Variants in KIRREL3 observed in about 807,000 individuals in gnomAD.
KIRREL3 encodes kin of IRRE-like protein 3.
Under a neutral mutation model 89.7 loss-of-function variants are expected in KIRREL3, and 36 were observed. The observed-to-expected ratio is 0.40, with a 90% CI of 0.31 to 0.53. KIRREL3 has a LOEUF of 0.53. KIRREL3 is among the 20% of genes least tolerant of loss of function. The pLI is 0.49. For synonymous variants in KIRREL3, 445 were observed against 441.4 expected (o/e 1.01, Z -0.10); for missense variants, 864 against 1,056.6 (o/e 0.82, Z 2.53).
Position 126,905,402 on chromosome 11 carries a change from C to T in KIRREL3, c.55+95053G>A, listed in dbSNP as rs777027853. Among the ~76,000 whole-genome samples the T allele has an allele frequency of 4.6e-5, 7 of 152,206 alleles. No homozygotes were observed. Among genetic ancestry groups the T allele is most frequent in the Non-Finnish European group, 1.0e-4 (7 of 68,002 alleles). On this transcript the variant is annotated intron_variant, in intron 1 of 16. Transcript: ENST00000525144. This position sits in a 1 kb window ranked among gnomAD's most constrained non-coding sequence, Gnocchi z 5.0. ...CAACGCTATCCTGGGGTAAAGAGCC[C>T]TAAATAATTGCAATGCATCAACTTG... is the stretch of plus-strand genomic sequence containing the variant.
chr11:126,843,493 G>A lies in KIRREL3; in HGVS notation c.55+156962C>T, dbSNP rs570299018. 9.7e-4 allele frequency among the ~76,000 whole-genome samples: 148 copies of A among 152,178 alleles called. 2 individuals carry two copies. The highest frequency in any genetic ancestry group is 3.1e-3 in the African/African-American group (129 of 41,518). Reference sequence around the variant, plus strand: ...TTTCAATTGTGATCTGCCCAGTCTCGTCCCACAGAGACTTCCAGCCTAGTC... The same window carrying A: ...TTTCAATTGTGATCTGCCCAGTCTCATCCCACAGAGACTTCCAGCCTAGTC... On this transcript the variant is annotated intron_variant, in intron 1 of 16. Coordinates refer to ENST00000525144, the MANE Select transcript of KIRREL3 (RefSeq NM_032531.4). The surrounding 1 kb of genome is among the most constrained non-coding windows in gnomAD (Gnocchi z 4.6).
chr11:126,995,365 T>C lies in KIRREL3; in HGVS notation c.55+5090A>G, dbSNP rs762611511. On this transcript the variant is annotated intron_variant, in intron 1 of 16. Transcript: ENST00000525144. This position sits in a 1 kb window ranked among gnomAD's most constrained non-coding sequence, Gnocchi z 6.5. ...TCATGATCTTACTGACCTTCTCCAC[T>C]GATGAATTAGAACACCCCTCTTCCC... The C allele has an allele frequency of 2.2e-5, 10 of 456,142 alleles. No individual in the cohort carries two copies. The highest frequency in any genetic ancestry group is 1.4e-4 in the East Asian group (2 of 14,376). The allele number at this position is 456,142 out of a possible 1,614,324, so 28.3% of individuals were successfully genotyped here. A position where few individuals can be genotyped will look rare whatever the true frequency, so the allele number is the denominator to read the frequency against.
intron 1 of KIRREL3, among the ~76,000 whole-genome samples, chr11:126,670,938 G>C (rs1203941960): frequency 1.3e-5 from 2 of 152,084 alleles, no homozygotes; most frequent in African/African-American, 4.8e-5. Context: ...ATAATATAAA[G>C]CCACAGTAAT....
rs975113860 is a variant in KIRREL3 at position 126,897,257 on chromosome 11, G to A, written c.55+103198C>T. On this transcript the variant is annotated intron_variant, in intron 1 of 16. Transcript: ENST00000525144. This position sits in a 1 kb window ranked among gnomAD's most constrained non-coding sequence, Gnocchi z 4.2. ...CTGCTGAGTGTTTTCCCAGGCTGGC[G>A]GGGAATCTCATGAGGAGGAGATCAG... Among the ~76,000 whole-genome samples the A allele has an allele frequency of 2.6e-5, 4 of 152,110 alleles. No individual in the cohort carries two copies. The highest frequency in any genetic ancestry group is 9.7e-5 in the African/African-American group (4 of 41,430).
chr11:126,937,816 G>A (rs1948267953), intron 1 of KIRREL3, among the ~76,000 whole-genome samples: 1 of 152,160 alleles, frequency 6.6e-6, no homozygotes, highest in Admixed American at 6.5e-5. Context: ...GGAGAATGGT[G>A]TGAACCAAGG....
intron 1 of KIRREL3, among the ~76,000 whole-genome samples, chr11:126,712,388 C>T (rs971234593): frequency 6.6e-5 from 10 of 152,294 alleles, no homozygotes; most frequent in Non-Finnish European, 1.2e-4. Context: ...GGCCGAGCCC[C>T]TCAGAGCCCT....
At position 126,492,421 on chromosome 11, in the gene KIRREL3, C is replaced by G. The variant is rs914122481; in HGVS notation, c.434-18955G>C. ...CTCTCAGCCCCTGTCCACTCAAGTA[C>G]TTCCTCATTAGTTTTGCTGAAGTTA... On this transcript the variant is annotated intron_variant, in intron 4 of 16. Transcript: ENST00000525144. This position sits in a 1 kb window ranked among gnomAD's most constrained non-coding sequence, Gnocchi z 4.8. Among the ~76,000 whole-genome samples, 2 of 152,138 alleles carry G rather than the reference C, an allele frequency of 1.3e-5. No individual in the cohort carries two copies. Among genetic ancestry groups the G allele is most frequent in the Non-Finnish European group, 2.9e-5 (2 of 68,028 alleles).
At position 126,917,584 on chromosome 11, in the gene KIRREL3, G is replaced by A. The variant is rs1947091935; in HGVS notation, c.55+82871C>T. ...CCTGCCTCTCTTAGAGCACTGCTCA[G>A]TTGTAGGCTGTGTGGGGAGTGAGTA... On this transcript the variant is annotated intron_variant, in intron 1 of 16. Coordinates refer to ENST00000525144, the MANE Select transcript of KIRREL3 (RefSeq NM_032531.4). The surrounding 1 kb of genome is among the most constrained non-coding windows in gnomAD (Gnocchi z 5.0). Among the ~76,000 whole-genome samples, 1 of 152,212 alleles carries A rather than the reference G, an allele frequency of 6.6e-6. No homozygotes were observed. Among genetic ancestry groups the A allele is most frequent in the African/African-American group, 2.4e-5 (1 of 41,448 alleles).
In KIRREL3 at chr11:126,441,579, G is replaced by C. The variant is rs887684068; in HGVS notation, c.1253-1030C>G. 6.6e-6 allele frequency among the ~76,000 whole-genome samples: 1 copy of C among 152,216 alleles called. No homozygotes were observed. Among genetic ancestry groups the C allele is most frequent in the Non-Finnish European group, 1.5e-5 (1 of 68,036 alleles). On this transcript the variant is annotated intron_variant, in intron 10 of 16. Transcript: ENST00000525144. The surrounding 1 kb of genome is among the most constrained non-coding windows in gnomAD (Gnocchi z 5.0). ...CTGGGGTCACAGTTGGGACTTAGAT[G>C]GCAGATACCAGAGGAAAGACAGCCG...
chr11:126,848,695 T>C (rs766115181), intron 1 of KIRREL3, among the ~76,000 whole-genome samples: 2 of 152,216 alleles, frequency 1.3e-5, no homozygotes, highest in Non-Finnish European at 2.9e-5. Context: ...GGACTCTCTG[T>C]GTAGGAATGC....
In KIRREL3 at chr11:126,473,476, G is replaced by A; in HGVS notation, c.434-10C>T. 2 of 1,537,652 alleles carry A rather than the reference G, an allele frequency of 1.3e-6. No individual in the cohort carries two copies. Among genetic ancestry groups the A allele is most frequent in the Non-Finnish European group, 1.8e-6 (2 of 1,128,162 alleles). ...GGGTCATCAGGCGGCACTGCGGGGA[G>A]AGAAGCAGTGAGGTCAGGCCGAGGC... On this transcript the variant is annotated splice_polypyrimidine_tract_variant and intron_variant, in intron 4 of 16. Transcript: ENST00000525144.
Position 126,969,439 on chromosome 11 carries a change from G to A in KIRREL3, c.55+31016C>T, listed in dbSNP as rs1380062369. 1.3e-5 allele frequency among the ~76,000 whole-genome samples: 2 copies of A among 152,178 alleles called. No individual in the cohort carries two copies. The highest frequency in any genetic ancestry group is 6.5e-5 in the Admixed American group (1 of 15,280). Reference sequence around the variant, plus strand: ...TCAGAGGAGGGAAAAAAGCCACTGAGGAGGTGACACCCAGCGGTATCTGGA... The same window carrying A: ...TCAGAGGAGGGAAAAAAGCCACTGAAGAGGTGACACCCAGCGGTATCTGGA... On this transcript the variant is annotated intron_variant, in intron 1 of 16. Coordinates refer to ENST00000525144, the MANE Select transcript of KIRREL3 (RefSeq NM_032531.4). The surrounding 1 kb of genome is among the most constrained non-coding windows in gnomAD (Gnocchi z 4.9).
At chr11:126,586,243 C>A (rs559385319) in intron 1 of KIRREL3, among the ~76,000 whole-genome samples, 1 of 152,180 alleles carries the variant, frequency 6.6e-6, no homozygotes, top group Admixed American at 6.5e-5. Flanking sequence ...CTCATGTGTC[C>A]TTGTTCATGA....
At position 126,520,094 on chromosome 11, in the gene KIRREL3, G is replaced by T. The variant is rs1209047114; in HGVS notation, c.433+1221C>A. Among the ~76,000 whole-genome samples, 1 of 152,186 alleles carries T rather than the reference G, an allele frequency of 6.6e-6. No individual in the cohort carries two copies. The highest frequency in any genetic ancestry group is 1.9e-4 in the East Asian group (1 of 5,184). On this transcript the variant is annotated intron_variant, in intron 4 of 16. Coordinates refer to ENST00000525144, the MANE Select transcript of KIRREL3 (RefSeq NM_032531.4). The surrounding 1 kb of genome is among the most constrained non-coding windows in gnomAD (Gnocchi z 4.9). ...CTTGGTAAGTGGTCCTCCGGGGCCT[G>T]TCTGCTGCACTGCTTGGAATAATCT...
In KIRREL3 at chr11:126,528,638, T is replaced by G. The variant is rs1437988276; in HGVS notation, c.134-1951A>C. On this transcript the variant is annotated intron_variant, in intron 2 of 16. Coordinates refer to ENST00000525144, the MANE Select transcript of KIRREL3 (RefSeq NM_032531.4). The surrounding 1 kb of genome is among the most constrained non-coding windows in gnomAD (Gnocchi z 4.6). ...TTTTAATCAGCTATGTATGGTAGGT[T>G]TTTTTTTTCCTCTCTGTCTCTTCAA... 6.6e-6 allele frequency among the ~76,000 whole-genome samples: 1 copy of G among 151,402 alleles called. No homozygotes were observed. Among genetic ancestry groups the G allele is most frequent in the Non-Finnish European group, 1.5e-5 (1 of 67,860 alleles).
intron 1 of KIRREL3, among the ~76,000 whole-genome samples, chr11:126,975,156 C>T (rs1395149008): frequency 1.3e-5 from 2 of 152,140 alleles, no homozygotes; most frequent in Admixed American, 1.3e-4. Flanking sequence ...TATATGCAGT[C>T]GGTCCTTGAC....
rs1260647636 is a variant in KIRREL3, at chr11:126,436,937, C to T, written c.1426G>A (p.Glu476Lys). 8.1e-6 allele frequency: 13 copies of T among 1,611,926 alleles called. No individual in the cohort carries two copies. The highest frequency in any genetic ancestry group is 4.5e-5 in the East Asian group (2 of 44,882). Residue 476 changes from glutamate (E) to lysine (K), a missense_variant, in exon 12 of 17, where the codon GAG becomes AAG. By Grantham distance (56) the Glu-to-Lys change is moderately conservative. Coordinates refer to ENST00000525144, the MANE Select transcript of KIRREL3 (RefSeq NM_032531.4). ...GRYTVETISTEEGVISTLTIS... is the reference protein window; with the variant it reads ...GRYTVETISTKEGVISTLTIS... ...GTCAGGGTGGAGATGACGCCCTCCT[C>T]GGTGCTGATGGTCTCCACCGTATAG...
At position 126,527,917 on chromosome 11, in the gene KIRREL3, G is replaced by A. The variant is rs1432895661; in HGVS notation, c.134-1230C>T. Among the ~76,000 whole-genome samples the A allele has an allele frequency of 6.6e-6, 1 of 152,276 alleles. No individual in the cohort carries two copies. The highest frequency in any genetic ancestry group is 2.1e-4 in the South Asian group (1 of 4,824). ...TCTCCTGGGAGTCCACAGTTGAGTG[G>A]ACAATGGAACATTGACATTCGCTGA... On this transcript the variant is annotated intron_variant, in intron 2 of 16. Transcript: ENST00000525144. This position sits in a 1 kb window ranked among gnomAD's most constrained non-coding sequence, Gnocchi z 4.2.
Position 126,470,077 on chromosome 11 carries a change from C to T in KIRREL3, c.591+3232G>A, listed in dbSNP as rs571581677. Among the ~76,000 whole-genome samples, 11 of 152,352 alleles carry T rather than the reference C, an allele frequency of 7.2e-5. No homozygotes were observed. The East Asian group carries it at 9.6e-4, about 13-fold the overall frequency. On this transcript the variant is annotated intron_variant, in intron 5 of 16. Coordinates refer to ENST00000525144, the MANE Select transcript of KIRREL3 (RefSeq NM_032531.4). Reference sequence around the variant, plus strand: ...TGCAGTAGTATGGTACCAGGCTCTCCGAGGGGCCTTCACAATGTAGACAAG... The same window carrying T: ...TGCAGTAGTATGGTACCAGGCTCTCTGAGGGGCCTTCACAATGTAGACAAG...
Sources: gnomAD v4.1 joint callset for allele counts (sites outside exome capture counted in the v4.1 genomes callset) on GRCh38, gnomAD v4.1.1 for gene constraint, Gnocchi (gnomAD v3.1) non-coding constraint, MANE v1.5 for transcripts, NCBI Gene and HGNC (gene_info 2026-07-23, HGNC 2026-07-21) for gene names.